The following SOX5 variants were observed in gnomAD, a reference collection of about 807,000 sequenced individuals.
The protein encoded by SOX5 is transcription factor SOX-5.
A neutral mutation model predicts 92.0 loss-of-function variants in SOX5; 9 were observed. The ratio of observed to expected loss-of-function variants is 0.10; its 90% CI spans 0.06 to 0.17. SOX5 has a LOEUF of 0.17. Among genes scored for constraint, SOX5 ranks in the 10% least tolerant of loss-of-function variants. The pLI is 1.00. For synonymous variants in SOX5, 344 were observed against 336.3 expected (o/e 1.02, Z -0.25); for missense variants, 642 against 944.5 (o/e 0.68, Z 4.20).
chr12:24,234,210 C>T (rs1056121761), intron 3 of SOX5, among the ~76,000 whole-genome samples: 13 of 152,126 alleles, frequency 8.5e-5, no homozygotes, highest in East Asian at 1.9e-4. Context: ...AAATATTTTG[C>T]AAAATCATAT....
chr12:23,727,979 G>T (rs988584578), intron 6 of SOX5, among the ~76,000 whole-genome samples: 10 of 152,054 alleles, frequency 6.6e-5, no homozygotes, highest in African/African-American at 2.2e-4. Flanking sequence ...GAAATAAGAA[G>T]AATGAGTGGA....
intron 4 of SOX5, among the ~76,000 whole-genome samples, chr12:24,171,180 GT>G (rs1265083572): frequency 1.9e-5 from 1 of 52,956 alleles, no homozygotes; most frequent in South Asian, 4.8e-4. Context: ...AGTGATTTTA[GT>G]TTTTTCTTTT....
chr12:23,964,605 C>A (rs1947329742), intron 4 of SOX5, among the ~76,000 whole-genome samples: 1 of 152,180 alleles, frequency 6.6e-6, no homozygotes, highest in African/African-American at 2.4e-5. Flanking sequence ...AAGTCCAGCA[C>A]AACAATGGAT....
At chr12:24,473,453 A>C (rs1169306417) in intron 1 of SOX5, among the ~76,000 whole-genome samples, 1 of 152,252 alleles carries the variant, frequency 6.6e-6, no homozygotes, top group African/African-American at 2.4e-5. Context: ...AAACCCTTTT[A>C]AAGTACAACA....
At chr12:24,361,611 TTGTGTG>T (rs3031192) in intron 2 of SOX5, among the ~76,000 whole-genome samples, 20 of 150,284 alleles carry the variant, frequency 1.3e-4, no homozygotes, top group Non-Finnish European at 1.8e-4. Context: ...TTTTCAGGTT[TTGTGTG>T]TGTGTGTGTG....
intron 3 of SOX5, among the ~76,000 whole-genome samples, chr12:23,760,634 C>T (rs1307460610): frequency 6.6e-6 from 1 of 151,978 alleles, no homozygotes; most frequent in Non-Finnish European, 1.5e-5. Context: ...CTGTGCCAGC[C>T]ATTGTTACAA....
intron 3 of SOX5, among the ~76,000 whole-genome samples, chr12:23,800,806 TAAC>T (rs1281303280): frequency 6.6e-6 from 1 of 152,154 alleles, no homozygotes; most frequent in East Asian, 1.9e-4. Context: ...GAAATTCCAT[TAAC>T]AACACCATAT....
chr12:23,920,207 A>G (rs1337399786), intron 1 of SOX5: 1 of 152,206 alleles, frequency 6.6e-6, no homozygotes. Context: ...TCCCAATACA[A>G]CTAAATGTTT....
intron 8 of SOX5, among the ~76,000 whole-genome samples, chr12:23,609,767 C>A (rs541584312): frequency 1.3e-5 from 2 of 152,270 alleles, no homozygotes; most frequent in East Asian, 3.9e-4. Flanking sequence ...CAATCATGAA[C>A]TTCCCCTAAA....
At chr12:23,852,474 C>T (rs1245174335) in intron 2 of SOX5, among the ~76,000 whole-genome samples, 3 of 152,010 alleles carry the variant, frequency 2.0e-5, no homozygotes, top group Admixed American at 6.6e-5. Context: ...GAAGTGAGAA[C>T]TCTTTAATGT....
At chr12:23,831,758 C>A (rs2096326289) in intron 3 of SOX5, among the ~76,000 whole-genome samples, 1 of 151,902 alleles carries the variant, frequency 6.6e-6, no homozygotes, top group Non-Finnish European at 1.5e-5. Context: ...GGAAAAAGTT[C>A]TAGTTGTTTA....
At chr12:23,902,550 T>A (rs1044446511) in intron 1 of SOX5, among the ~76,000 whole-genome samples, 5 of 151,580 alleles carry the variant, frequency 3.3e-5, no homozygotes, top group African/African-American at 1.2e-4. Flanking sequence ...AACTATATCA[T>A]CAACTTTTTC....
intron 2 of SOX5, among the ~76,000 whole-genome samples, chr12:24,339,069 C>T (rs76703819): frequency 0.02 from 3,101 of 151,690 alleles, 112 homozygotes; most frequent in African/African-American, 0.071. Flanking sequence ...AGCCAGCTTC[C>T]CTCTTTTGGA....
chr12:23,837,343 A>G (rs2096442518), intron 3 of SOX5, among the ~76,000 whole-genome samples: 1 of 71,244 alleles, frequency 1.4e-5, no homozygotes, highest in Non-Finnish European at 2.3e-5. Flanking sequence ...AGATATATTT[A>G]TATTTATATA....
intron 13 of SOX5, among the ~76,000 whole-genome samples, chr12:23,537,232 T>A (rs1472762554): frequency 1.3e-5 from 2 of 152,234 alleles, no homozygotes; most frequent in Middle Eastern, 3.4e-3. Flanking sequence ...ATGGAGTGGG[T>A]AACTACTATG....
intron 11 of SOX5, among the ~76,000 whole-genome samples, chr12:23,561,483 G>C (rs1946185552): frequency 6.6e-6 from 1 of 152,136 alleles, no homozygotes; most frequent in South Asian, 2.1e-4. Context: ...GTGCCATGGT[G>C]GAAGGCCTAG....
At chr12:24,531,808 C>T (rs944662275) in intron 1 of SOX5, among the ~76,000 whole-genome samples, 10 of 152,150 alleles carry the variant, frequency 6.6e-5, no homozygotes, top group Non-Finnish European at 1.5e-4. Context: ...AATATAAAGC[C>T]TTCCTTCCAA....
intron 4 of SOX5, among the ~76,000 whole-genome samples, chr12:23,971,145 G>A (rs1948284488): frequency 5.1e-5 from 1 of 19,672 alleles, no homozygotes. Context: ...TTTTTTGAGA[G>A]GGAGTCTTGC....
chr12:23,915,629 C>CA (rs1483746662), intron 1 of SOX5, among the ~76,000 whole-genome samples: 3 of 151,172 alleles, frequency 2.0e-5, no homozygotes, highest in Non-Finnish European at 4.4e-5. Flanking sequence ...ACCAACATAC[C>CA]AAAACCCCAT....
Sources: gnomAD v4.1 joint callset for allele counts (sites outside exome capture counted in the v4.1 genomes callset) on GRCh38, gnomAD v4.1.1 for gene constraint, MANE v1.5 for transcripts, NCBI Gene and HGNC (gene_info 2026-07-23, HGNC 2026-07-21) for gene names.